The following KIF16B variants were observed in gnomAD, a reference collection of about 807,000 sequenced individuals.
KIF16B encodes kinesin-like protein KIF16B.
KIF16B carries 98 observed loss-of-function variants against 156.3 expected under a neutral mutation model. The observed-to-expected ratio is 0.63, with a 90% CI of 0.53 to 0.74. The LOEUF (loss-of-function observed/expected upper bound fraction) is 0.74, where lower values mean the gene tolerates loss of function less well. KIF16B is among the 30% of genes least tolerant of loss of function. The pLI is 0.00. For synonymous variants in KIF16B, 564 were observed against 583.7 expected (o/e 0.97, Z 0.49); for missense variants, 1,421 against 1,606.5 (o/e 0.88, Z 1.97).
At chr20:16,404,481 G>A (rs1412786997) in intron 17 of KIF16B, among the ~76,000 whole-genome samples, 1 of 152,144 alleles carries the variant, frequency 6.6e-6, no homozygotes, top group African/African-American at 2.4e-5. Flanking sequence ...GTAAGCCAAA[G>A]GGATCATGCA....
intron 12 of KIF16B, among the ~76,000 whole-genome samples, chr20:16,459,995 G>A (rs1399605243): frequency 6.6e-6 from 1 of 152,124 alleles, no homozygotes; most frequent in Non-Finnish European, 1.5e-5. Context: ...CACAAAAATA[G>A]AGAAAATAAG....
At chr20:16,422,632 C>T (rs2066253767) in intron 15 of KIF16B, among the ~76,000 whole-genome samples, 1 of 152,038 alleles carries the variant, frequency 6.6e-6, no homozygotes, top group Admixed American at 6.6e-5. Context: ...CTAAATAATT[C>T]CCCCAAAGTA....
chr20:16,497,697 A>C lies in KIF16B; in HGVS notation c.1177-19T>G. 6.5e-7 allele frequency: 1 copy of C among 1,543,460 alleles called. No individual in the cohort carries two copies. The highest frequency in any genetic ancestry group is 8.9e-7 in the Non-Finnish European group (1 of 1,125,648). Reference sequence around the variant, plus strand: ...GGGCAATCTACAATATAAACCATAAAAGAAATCAGCAATTAATAAACAGCA... The same window carrying C: ...GGGCAATCTACAATATAAACCATAACAGAAATCAGCAATTAATAAACAGCA... On this transcript the variant is annotated intron_variant, in intron 10 of 25. Coordinates refer to ENST00000354981, the MANE Select transcript of KIF16B (RefSeq NM_024704.5).
chr20:16,425,340 A>G (rs1320910452), intron 15 of KIF16B, among the ~76,000 whole-genome samples: 1 of 152,192 alleles, frequency 6.6e-6, no homozygotes, highest in African/African-American at 2.4e-5. Context: ...AACCTAGTAA[A>G]TAAAATCGCA....
chr20:16,499,126 G>A (rs6034507), intron 10 of KIF16B, among the ~76,000 whole-genome samples: 238 of 152,186 alleles, frequency 1.6e-3, no homozygotes, highest in African/African-American at 5.2e-3. Flanking sequence ...GTGAGGGGTC[G>A]AGATTCACAT....
Position 16,379,613 on chromosome 20 carries a change from T to G in KIF16B, c.2389A>C (p.Ile797Leu). 6.2e-7 allele frequency: 1 copy of G among 1,614,106 alleles called. No individual in the cohort carries two copies. Among genetic ancestry groups the G allele is most frequent in the Non-Finnish European group, 8.5e-7 (1 of 1,180,020 alleles). The change falls in exon 19 of 26, where the codon ATT (isoleucine) becomes CTT (leucine). Residue 797 changes from isoleucine to leucine, a missense_variant. Ile to Leu is a conservative substitution (Grantham distance 5). Coordinates refer to ENST00000354981, the MANE Select transcript of KIF16B (RefSeq NM_024704.5). Reference sequence around the variant, plus strand: ...TTCACCCGCAGGAGGGATTCCCGAATGCCTTCCAGGTCCCTCTTCTCCTCT... The same window carrying G: ...TTCACCCGCAGGAGGGATTCCCGAAGGCCTTCCAGGTCCCTCTTCTCCTCT... ...VEEEKRDLEG[I>L]RESLLRVKEA...
At chr20:16,497,744 A>C (rs1358046165) in intron 10 of KIF16B, 66 bp from the exon 11 acceptor site, 1 of 1,186,972 alleles carries the variant, frequency 8.4e-7, no homozygotes, top group African/African-American at 1.5e-5. Context: ...TTTTCCCTGA[A>C]TATAGTAAAT....
At chr20:16,543,704 T>C (rs1192369879) in intron 1 of KIF16B, among the ~76,000 whole-genome samples, 1 of 152,006 alleles carries the variant, frequency 6.6e-6, no homozygotes, top group East Asian at 1.9e-4. Context: ...AGAAAGGAGA[T>C]TTAGGGTCAA....
At chr20:16,378,230 T>C (rs948858420) in intron 19 of KIF16B, among the ~76,000 whole-genome samples, 6 of 149,300 alleles carry the variant, frequency 4.0e-5, no homozygotes, top group Admixed American at 2.0e-4. Flanking sequence ...GGCAGGGAAG[T>C]AGAGATGGAA....
chr20:16,519,834 G>A, intron 3 of KIF16B, among the ~76,000 whole-genome samples: 1 of 152,198 alleles, frequency 6.6e-6, no homozygotes, highest in East Asian at 1.9e-4. Flanking sequence ...TCATCTCACT[G>A]GGACTGGTTA....
At chr20:16,350,410 G>C (rs2064314084) in intron 23 of KIF16B, among the ~76,000 whole-genome samples, 1 of 152,148 alleles carries the variant, frequency 6.6e-6, no homozygotes, top group Non-Finnish European at 1.5e-5. Context: ...TGGGCAGGGG[G>C]CATAGAGGTC....
chr20:16,340,439 T>A (rs2123002876), intron 23 of KIF16B, among the ~76,000 whole-genome samples: 1 of 152,328 alleles, frequency 6.6e-6, no homozygotes, highest in South Asian at 2.1e-4. Flanking sequence ...GAATGTAAGC[T>A]CTAAGGAGAG....
chr20:16,551,402 T>C lies in KIF16B; in HGVS notation c.47+21827A>G, dbSNP rs146678120. 4.1e-3 allele frequency among the ~76,000 whole-genome samples: 626 copies of C among 152,346 alleles called. 8 individuals are homozygous for C. Among genetic ancestry groups the C allele is most frequent in the African/African-American group, 0.014 (593 of 41,584 alleles). On this transcript the variant is annotated intron_variant, in intron 1 of 25. Coordinates refer to ENST00000354981, the MANE Select transcript of KIF16B (RefSeq NM_024704.5). ...CCTCAGCCTCCCAAAGTGCTGGGAT[T>C]ACAGGCATGAGCCACTGTGCCTGGC... is the stretch of plus-strand genomic sequence containing the variant.
At chr20:16,327,068 TACACACACACACACAC>T (rs35869892) in intron 24 of KIF16B, among the ~76,000 whole-genome samples, 4 of 143,052 alleles carry the variant, frequency 2.8e-5, no homozygotes, top group Non-Finnish European at 6.1e-5. Context: ...TGTATACATG[TACACACACACACACAC>T]ACACACACAC....
At chr20:16,374,000 T>C (rs1032717551) in intron 20 of KIF16B, among the ~76,000 whole-genome samples, 6 of 152,188 alleles carry the variant, frequency 3.9e-5, no homozygotes, top group Non-Finnish European at 7.3e-5. Context: ...CCTCTGCAGA[T>C]ATCAAGGGAC....
chr20:16,429,822 C>G (rs776393951), intron 13 of KIF16B, 41 bp downstream of exon 13: 14 of 1,569,570 alleles, frequency 8.9e-6, no homozygotes, highest in Non-Finnish European at 1.2e-5. Flanking sequence ...AATGGAGAAA[C>G]TGGAAACAAA....
chr20:16,572,978 ATC>A (rs2071510022), intron 1 of KIF16B, among the ~76,000 whole-genome samples: 1 of 152,104 alleles, frequency 6.6e-6, no homozygotes, highest in Admixed American at 6.5e-5. Context: ...GAACAAGAAC[ATC>A]TCAAGTTAAT....
chr20:16,528,834 G>A (rs1287760325), intron 1 of KIF16B, among the ~76,000 whole-genome samples: 2 of 152,186 alleles, frequency 1.3e-5, no homozygotes, highest in Non-Finnish European at 2.9e-5. Flanking sequence ...GAAAACTGGA[G>A]TGGTTACAAG....
chr20:16,301,478 A>T (rs8120605), intron 25 of KIF16B, among the ~76,000 whole-genome samples: 60,921 of 151,934 alleles, frequency 0.4, 12,230 homozygotes, highest in Admixed American at 0.41. Context: ...TTATTGTACA[A>T]CCTCACCAGC....
Sources: gnomAD v4.1 joint callset for allele counts (sites outside exome capture counted in the v4.1 genomes callset) on GRCh38, gnomAD v4.1.1 for gene constraint, MANE v1.5 for transcripts, NCBI Gene and HGNC (gene_info 2026-07-23, HGNC 2026-07-21) for gene names.